FAM117B: variants seen among roughly 807,000 people sequenced by gnomAD.
The protein encoded by FAM117B is family with sequence similarity 117 member B.
In FAM117B, 22 loss-of-function variants were observed where a neutral mutation model predicts 52.8. The ratio of observed to expected loss-of-function variants is 0.42; its 90% CI spans 0.30 to 0.59. FAM117B has a LOEUF of 0.59. Among genes scored for constraint, FAM117B ranks in the 20% least tolerant of loss-of-function variants. The pLI is 0.22. For synonymous variants in FAM117B, 309 were observed against 324.1 expected (o/e 0.95, Z 0.50); for missense variants, 678 against 802.6 (o/e 0.84, Z 1.88).
At chr2:202,727,444 A>G (rs954074456) in intron 4 of FAM117B, among the ~76,000 whole-genome samples, 1 of 152,126 alleles carries the variant, frequency 6.6e-6, no homozygotes, top group African/African-American at 2.4e-5. Context: ...CAGGTTTTGC[A>G]TTTATGGATT....
intron 1 of FAM117B, among the ~76,000 whole-genome samples, chr2:202,652,052 T>TA (rs1227648534): frequency 0.024 from 2,375 of 98,582 alleles, 57 homozygotes; most frequent in African/African-American, 0.061. Flanking sequence ...AAACTCTGTC[T>TA]AAAAAAAAAA....
chr2:202,738,691 G>GA, intron 4 of FAM117B, among the ~76,000 whole-genome samples: 1 of 152,186 alleles, frequency 6.6e-6, no homozygotes, highest in Non-Finnish European at 1.5e-5. Context: ...TCCTGATTCT[G>GA]TGACCCTAGA....
chr2:202,660,712 C>T (rs1036331090), intron 1 of FAM117B, among the ~76,000 whole-genome samples: 11 of 152,204 alleles, frequency 7.2e-5, no homozygotes. Context: ...CTATCATGAA[C>T]TTCCTACAAC....
chr2:202,754,888 C>CAAAAA lies in FAM117B; in HGVS notation c.961-635_961-631dup, dbSNP rs149747057. On this transcript the variant is annotated intron_variant, in intron 4 of 7. Coordinates refer to ENST00000392238, the MANE Select transcript of FAM117B (RefSeq NM_173511.4). Reference sequence around the variant, plus strand: ...CTGGGTGACAGAGTGAGATTCGTCTCAAAAAAAAAAAAAAAAAAAGAGGCT... The same window carrying CAAAAA: ...CTGGGTGACAGAGTGAGATTCGTCTCAAAAAAAAAAAAAAAAAAAAAAAAGAGGCT... Among the ~76,000 whole-genome samples, 134 of 84,826 alleles carry CAAAAA rather than the reference C, an allele frequency of 1.6e-3. 9 individuals are homozygous for CAAAAA. Among genetic ancestry groups the CAAAAA allele is most frequent in the Non-Finnish European group, 1.9e-3 (88 of 47,172 alleles). The allele number at this position is 84,826 out of a possible 152,430, so 55.6% of individuals were successfully genotyped here. A position where few individuals can be genotyped will look rare whatever the true frequency, so the allele number is the denominator to read the frequency against.
At chr2:202,663,330 A>C (rs192571285) in intron 1 of FAM117B, among the ~76,000 whole-genome samples, 1 of 152,348 alleles carries the variant, frequency 6.6e-6, no homozygotes. Flanking sequence ...ATATTATGCT[A>C]TGTGACTCAG....
intron 4 of FAM117B, among the ~76,000 whole-genome samples, chr2:202,735,225 A>G (rs1691421586): frequency 6.6e-6 from 1 of 152,078 alleles, no homozygotes; most frequent in Non-Finnish European, 1.5e-5. Context: ...TCTTTTCCCA[A>G]GATAGGTTTT....
chr2:202,694,292 G>A (rs1343097054), intron 1 of FAM117B, among the ~76,000 whole-genome samples: 1 of 147,240 alleles, frequency 6.8e-6, no homozygotes, highest in African/African-American at 2.5e-5. Flanking sequence ...TAGGATTCAA[G>A]CGATTCTCCT....
At chr2:202,742,645 T>G (rs1348121556) in intron 4 of FAM117B, among the ~76,000 whole-genome samples, 1 of 152,204 alleles carries the variant, frequency 6.6e-6, no homozygotes, top group Admixed American at 6.5e-5. Context: ...TCAAAATTCA[T>G]AATCAACAAA....
chr2:202,650,439 T>C (rs1689939478), intron 1 of FAM117B, among the ~76,000 whole-genome samples: 1 of 152,064 alleles, frequency 6.6e-6, no homozygotes, highest in African/African-American at 2.4e-5. Flanking sequence ...GTAATAAAAA[T>C]ATGGAAAATT....
chr2:202,662,234 A>G (rs1326775223), intron 1 of FAM117B, among the ~76,000 whole-genome samples: 1 of 152,154 alleles, frequency 6.6e-6, no homozygotes, highest in Non-Finnish European at 1.5e-5. Flanking sequence ...CATTTGTGGC[A>G]GCATGGGTGA....
Position 202,709,899 on chromosome 2 carries a change from CT to C in FAM117B, c.753+13869del, listed in dbSNP as rs559345603. ...AGCACCATTTGTTGAAGAGACTGTC[CT>C]TCCCCCATTGGCACCCTCATTGAAG... On this transcript the variant is annotated intron_variant, in intron 2 of 7. Coordinates refer to ENST00000392238, the MANE Select transcript of FAM117B (RefSeq NM_173511.4). 1.1e-3 allele frequency among the ~76,000 whole-genome samples: 175 copies of C among 152,280 alleles called. 1 individual carries two copies. Among genetic ancestry groups the C allele is most frequent in the Admixed American group, 4.6e-3 (71 of 15,292 alleles).
chr2:202,708,432 T>A (rs12464670), intron 2 of FAM117B, among the ~76,000 whole-genome samples: 28,018 of 152,142 alleles, frequency 0.18, 3,254 homozygotes, highest in South Asian at 0.38. Context: ...TTGAATAATA[T>A]TCCATTGTAT....
At chr2:202,747,703 A>G (rs946494303) in intron 4 of FAM117B, among the ~76,000 whole-genome samples, 1 of 152,130 alleles carries the variant, frequency 6.6e-6, no homozygotes, top group Non-Finnish European at 1.5e-5. Flanking sequence ...TCAGGTTACA[A>G]TAGCTAAAAA....
chr2:202,669,114 TAGAC>T (rs1269541500), intron 1 of FAM117B, among the ~76,000 whole-genome samples: 2 of 152,168 alleles, frequency 1.3e-5, no homozygotes, highest in Non-Finnish European at 2.9e-5. Flanking sequence ...GATAAATCAA[TAGAC>T]AGAGTGATCT....
intron 2 of FAM117B, among the ~76,000 whole-genome samples, chr2:202,710,639 A>G (rs1467480828): frequency 6.6e-6 from 1 of 152,142 alleles, no homozygotes; most frequent in African/African-American, 2.4e-5. Flanking sequence ...CTGTTGTGCT[A>G]TCAAATACTA....
chr2:202,764,004 G>A lies in FAM117B; in HGVS notation c.1452-1442G>A, dbSNP rs182615982. On this transcript the variant is annotated intron_variant, in intron 7 of 7. Coordinates refer to ENST00000392238, the MANE Select transcript of FAM117B (RefSeq NM_173511.4). ...ATCATGCCTGTTAGATTCTCTTGTG[G>A]CGGTCTTAACCTCTTCTGTGCTGTG... Among the ~76,000 whole-genome samples the A allele has an allele frequency of 3.5e-3, 539 of 152,246 alleles. 1 individual carries two copies. Among genetic ancestry groups the A allele is most frequent in the Non-Finnish European group, 4.8e-3 (328 of 68,014 alleles).
intron 1 of FAM117B, among the ~76,000 whole-genome samples, chr2:202,693,318 A>G (rs1343009010): frequency 6.7e-6 from 1 of 149,078 alleles, no homozygotes; most frequent in Non-Finnish European, 1.5e-5. Flanking sequence ...AAATAAATGT[A>G]CTAACACTGG....
At chr2:202,704,894 C>T (rs113035327) in intron 2 of FAM117B, among the ~76,000 whole-genome samples, 65 of 152,140 alleles carry the variant, frequency 4.3e-4, no homozygotes, top group African/African-American at 1.1e-3. Context: ...TGAGCCAGTG[C>T]GCCTGGCCTG....
chr2:202,684,110 G>A (rs183918275), intron 1 of FAM117B, among the ~76,000 whole-genome samples: 157 of 152,186 alleles, frequency 1.0e-3, no homozygotes, highest in African/African-American at 3.4e-3. Context: ...TAAGCAGTCT[G>A]CCTGCCTCAG....
Sources: gnomAD v4.1 joint callset for allele counts (sites outside exome capture counted in the v4.1 genomes callset) on GRCh38, gnomAD v4.1.1 for gene constraint, MANE v1.5 for transcripts, NCBI Gene and HGNC (gene_info 2026-07-23, HGNC 2026-07-21) for gene names.